CNDP1: variants seen among roughly 807,000 people sequenced by gnomAD.
CNDP1 encodes beta-Ala-His dipeptidase.
A neutral mutation model predicts 58.1 loss-of-function variants in CNDP1; 44 were observed. That is an observed-to-expected ratio of 0.76 (90% CI 0.60 to 0.97). The LOEUF (loss-of-function observed/expected upper bound fraction) is 0.97. Ranked by LOEUF, CNDP1 falls within the 50% of genes least tolerant of loss-of-function variation. The pLI is 0.00. For missense variants in CNDP1, 616 were observed against 655.1 expected, an observed-to-expected ratio of 0.94 and a Z score of 0.65; for synonymous variants, 254 against 252.6, an observed-to-expected ratio of 1.01 and a Z score of -0.05.
chr18:74,577,350 T>A, intron 8 of CNDP1: 1 of 187,098 alleles, frequency 5.3e-6, no homozygotes, highest in Non-Finnish European at 1.1e-5. Flanking sequence ...ACTTCTTACC[T>A]TTTCAAAGAC....
intron 10 of CNDP1, among the ~76,000 whole-genome samples, chr18:74,581,953 A>G (rs1353681785): frequency 2.0e-5 from 3 of 152,250 alleles, no homozygotes; most frequent in African/African-American, 7.2e-5. Context: ...GATCTCTTTG[A>G]AGCACTAACT....
At chr18:74,567,942 C>T (rs1981373389) in intron 6 of CNDP1, among the ~76,000 whole-genome samples, 1 of 152,196 alleles carries the variant, frequency 6.6e-6, no homozygotes, top group African/African-American at 2.4e-5. Flanking sequence ...GGTGGTTTCA[C>T]CTTGAGCCTT....
At chr18:74,582,250 A>T (rs532676146) in intron 10 of CNDP1, among the ~76,000 whole-genome samples, 1 of 152,360 alleles carries the variant, frequency 6.6e-6, no homozygotes, top group South Asian at 2.1e-4. Flanking sequence ...AACGAGGCAC[A>T]TCACTTCGAT....
intron 1 of CNDP1, among the ~76,000 whole-genome samples, chr18:74,546,326 C>T (rs1182137708): frequency 6.6e-6 from 1 of 152,186 alleles, no homozygotes; most frequent in African/African-American, 2.4e-5. Flanking sequence ...GCCTCATACC[C>T]TGACACTGCG....
chr18:74,584,735 C>G lies in CNDP1; in HGVS notation c.*173C>G, dbSNP rs1429574419. ...TCAGTAATAAAATATTTCAAAGGCA[C>G]AGATGTTGGAAATGGTTTAAGGTCC... is the stretch of plus-strand genomic sequence containing the variant. On this transcript the variant is annotated 3_prime_UTR_variant, in exon 12 of 12. Coordinates refer to ENST00000358821, the MANE Select transcript of CNDP1 (RefSeq NM_032649.6). 9 of 589,884 alleles carry G rather than the reference C, an allele frequency of 1.5e-5. No individual in the cohort carries two copies. Among genetic ancestry groups the G allele is most frequent in the African/African-American group, 5.6e-5 (3 of 53,848 alleles). The allele number at this position is 589,884 out of a possible 1,614,324, so 36.5% of individuals were successfully genotyped here. A position where few individuals can be genotyped will look rare whatever the true frequency, so the allele number is the denominator to read the frequency against.
intron 10 of CNDP1, among the ~76,000 whole-genome samples, chr18:74,582,398 C>G (rs1212765313): frequency 2.0e-5 from 3 of 152,170 alleles, no homozygotes; most frequent in Admixed American, 6.5e-5. Context: ...CTTTCTAAAA[C>G]CTACGATAGC....
chr18:74,541,542 G>A (rs962844089), intron 1 of CNDP1, among the ~76,000 whole-genome samples: 3 of 152,228 alleles, frequency 2.0e-5, no homozygotes, highest in Non-Finnish European at 4.4e-5. Flanking sequence ...ACTGATCCCA[G>A]TGCAGAGCTC....
At chr18:74,552,099 T>G (rs1432079120) in intron 1 of CNDP1, among the ~76,000 whole-genome samples, 1 of 152,210 alleles carries the variant, frequency 6.6e-6, no homozygotes, top group Non-Finnish European at 1.5e-5. Flanking sequence ...TTCAGCCTTC[T>G]GAGTGCAGGG....
chr18:74,552,387 A>G (rs1980933425), intron 1 of CNDP1, among the ~76,000 whole-genome samples: 1 of 152,202 alleles, frequency 6.6e-6, no homozygotes, highest in Non-Finnish European at 1.5e-5. Context: ...AATTGGTTTT[A>G]TAACATTTTC....
chr18:74,564,935 C>T (rs955992737), intron 5 of CNDP1, among the ~76,000 whole-genome samples: 3 of 152,104 alleles, frequency 2.0e-5, no homozygotes, highest in Admixed American at 6.5e-5. Context: ...TGTATTAGTC[C>T]GTTTTCATGC....
chr18:74,578,051 C>A, intron 8 of CNDP1, 112 bp from the exon 9 acceptor site: 1 of 935,732 alleles, frequency 1.1e-6, no homozygotes, highest in Non-Finnish European at 1.6e-6. Flanking sequence ...AGTAAGGTGA[C>A]AGTTAACGTG....
chr18:74,574,257 A>G (rs915482516), intron 7 of CNDP1, among the ~76,000 whole-genome samples: 1 of 152,252 alleles, frequency 6.6e-6, no homozygotes, highest in Admixed American at 6.5e-5. Flanking sequence ...TGTGAAATGC[A>G]TGATAACCTC....
chr18:74,572,790 C>CAAAAAAAAAAAAAAAAAAAAAGAAAAA (rs1981514688), intron 7 of CNDP1, among the ~76,000 whole-genome samples: 1 of 60,070 alleles, frequency 1.7e-5, no homozygotes, highest in Non-Finnish European at 3.0e-5. Flanking sequence ...GACCCTGTAT[C>CAAAAAAAAAAAAAAAAAAAAAGAAAAA]AAAAAAAAAA....
chr18:74,571,302 A>G (rs1280816210), intron 7 of CNDP1, 32 bp downstream of exon 7: 9 of 1,436,050 alleles, frequency 6.3e-6, no homozygotes, highest in Non-Finnish European at 6.9e-6. Context: ...CTTTTTAAGC[A>G]TCAGGGATCA....
Position 74,584,696 on chromosome 18 carries a change from T to G in CNDP1, c.*134T>G. On this transcript the variant is annotated 3_prime_UTR_variant, in exon 12 of 12. Transcript: ENST00000358821. The stretch of plus-strand genomic sequence containing the variant: ...CATTTTCCCTTCCATTTAAAATGTC[T>G]TGGGATATCTGGATCAGTAATAAAA... The G allele has an allele frequency of 1.5e-6, 1 of 687,680 alleles. No individual in the cohort carries two copies. Among genetic ancestry groups the G allele is most frequent in the Non-Finnish European group, 2.6e-6 (1 of 387,210 alleles). The allele number at this position is 687,680 out of a possible 1,614,324, so 42.6% of individuals were successfully genotyped here.
chr18:74,569,684 A>G lies in CNDP1; in HGVS notation c.757-1502A>G, dbSNP rs143168089. Reference sequence around the variant, plus strand: ...TCAGGCTTTTACTGATGCTATCTCAATAATAAAAGCCATGGGCTCCATGGA... The same window carrying G: ...TCAGGCTTTTACTGATGCTATCTCAGTAATAAAAGCCATGGGCTCCATGGA... On this transcript the variant is annotated intron_variant, in intron 6 of 11. Coordinates refer to ENST00000358821, the MANE Select transcript of CNDP1 (RefSeq NM_032649.6). Among the ~76,000 whole-genome samples the G allele has an allele frequency of 3.2e-3, 487 of 152,228 alleles. 1 individual carries two copies. Among genetic ancestry groups the G allele is most frequent in the African/African-American group, 9.7e-3 (401 of 41,540 alleles).
chr18:74,567,438 C>T lies in CNDP1; in HGVS notation c.756+5C>T. Reference sequence around the variant, plus strand: ...AACAGCTACTTCATGGTGGAGGTATCCACAGAGAGCAGTGCATGGATGGAG... The same window carrying T: ...AACAGCTACTTCATGGTGGAGGTATTCACAGAGAGCAGTGCATGGATGGAG... On this transcript the variant is annotated splice_donor_5th_base_variant and intron_variant, in intron 6 of 11. Coordinates refer to ENST00000358821, the MANE Select transcript of CNDP1 (RefSeq NM_032649.6). 6.2e-7 allele frequency: 1 copy of T among 1,611,972 alleles called. No homozygotes were observed. The highest frequency in any genetic ancestry group is 8.5e-7 in the Non-Finnish European group (1 of 1,178,132).
At chr18:74,574,191 C>A (rs1981570599) in intron 7 of CNDP1, among the ~76,000 whole-genome samples, 1 of 152,228 alleles carries the variant, frequency 6.6e-6, no homozygotes. Context: ...GCCTCCTCAC[C>A]TCTCTGTCTC....
At chr18:74,572,808 A>AG (rs1251238792) in intron 7 of CNDP1, among the ~76,000 whole-genome samples, 11 of 135,390 alleles carry the variant, frequency 8.1e-5, no homozygotes, top group African/African-American at 3.0e-4. Flanking sequence ...AAAAAAAAAA[A>AG]AAAGAAAGAA....
Sources: gnomAD v4.1 joint callset for allele counts (sites outside exome capture counted in the v4.1 genomes callset) on GRCh38, gnomAD v4.1.1 for gene constraint, MANE v1.5 for transcripts, NCBI Gene and HGNC (gene_info 2026-07-23, HGNC 2026-07-21) for gene names.